The following CHRM5 variants were observed in gnomAD, a reference collection of about 807,000 sequenced individuals.
The protein encoded by CHRM5 is cholinergic receptor muscarinic 5, also known as muscarinic acetylcholine receptor M5.
In CHRM5, 18 loss-of-function variants were observed where a neutral mutation model predicts 39.0. The ratio of observed to expected loss-of-function variants is 0.46; its 90% CI spans 0.32 to 0.68. The LOEUF is 0.68. Among genes scored for constraint, CHRM5 ranks in the 30% least tolerant of loss-of-function variants. CHRM5 has a pLI of 0.04. For missense variants in CHRM5, 515 were observed against 651.1 expected (o/e 0.79, Z 2.28); for synonymous variants, 241 against 246.3 (o/e 0.98, Z 0.20).
At chr15:34,035,399 T>C (rs1899066239) in intron 1 of CHRM5, among the ~76,000 whole-genome samples, 1 of 152,122 alleles carries the variant, frequency 6.6e-6, no homozygotes, top group Admixed American at 6.5e-5. Context: ...TAATCAGGCA[T>C]GTGAAAGAAT....
At chr15:34,038,931 C>T (rs918371106) in intron 1 of CHRM5, 1 of 1,042,788 alleles carries the variant, frequency 9.6e-7, no homozygotes, top group Non-Finnish European at 1.2e-6. Flanking sequence ...GCCTCCGCCG[C>T]CGCCTCTGGC....
chr15:34,058,555 A>AAC (rs3027963), intron 2 of CHRM5, among the ~76,000 whole-genome samples: 34,206 of 143,048 alleles, frequency 0.24, 3,976 homozygotes, highest in Middle Eastern at 0.33. Flanking sequence ...CTTTAATTCT[A>AAC]ACACACACAC....
chr15:33,988,048 G>C (rs544772569), intron 1 of CHRM5, among the ~76,000 whole-genome samples: 1 of 152,338 alleles, frequency 6.6e-6, no homozygotes, highest in Non-Finnish European at 1.5e-5. Context: ...GCCTCACAGT[G>C]CAGTGCCCTG....
chr15:34,002,409 T>C (rs940013641), intron 1 of CHRM5, among the ~76,000 whole-genome samples: 5 of 148,362 alleles, frequency 3.4e-5, no homozygotes, highest in Non-Finnish European at 6.0e-5. Context: ...GTAGGGACCC[T>C]GCAGCCATCT....
intron 1 of CHRM5, among the ~76,000 whole-genome samples, chr15:34,044,245 A>G (rs1899598622): frequency 6.6e-6 from 1 of 152,092 alleles, no homozygotes; most frequent in African/African-American, 2.4e-5. Flanking sequence ...TCCACTCCTC[A>G]AGCCTTTTGT....
chr15:33,994,024 T>C (rs767056389), intron 1 of CHRM5, among the ~76,000 whole-genome samples: 5 of 152,208 alleles, frequency 3.3e-5, no homozygotes, highest in Non-Finnish European at 5.9e-5. Flanking sequence ...CTGTGAACAT[T>C]TGGGCACACA....
chr15:34,000,411 A>G (rs900860773), intron 1 of CHRM5, among the ~76,000 whole-genome samples: 2 of 152,212 alleles, frequency 1.3e-5, no homozygotes, highest in African/African-American at 4.8e-5. Context: ...ACTGGTCACA[A>G]TTTAAAAGTC....
intron 1 of CHRM5, among the ~76,000 whole-genome samples, chr15:34,001,019 A>ATT (rs562045179): frequency 0.17 from 23,153 of 136,634 alleles, 2,876 homozygotes; most frequent in African/African-American, 0.34. Flanking sequence ...TTGGACTAGA[A>ATT]TTTTTTTTTT....
At chr15:33,996,448 T>C (rs1234004424) in intron 1 of CHRM5, among the ~76,000 whole-genome samples, 4 of 152,186 alleles carry the variant, frequency 2.6e-5, no homozygotes, top group African/African-American at 9.6e-5. Context: ...TGACACCTCA[T>C]ACAGGCGGGT....
At chr15:34,007,326 A>G (rs1897400468) in intron 1 of CHRM5, among the ~76,000 whole-genome samples, 1 of 152,252 alleles carries the variant, frequency 6.6e-6, no homozygotes, top group Non-Finnish European at 1.5e-5. Flanking sequence ...CTTTCTAATA[A>G]TAAGAATTGT....
chr15:34,010,231 A>C (rs1021998790), intron 1 of CHRM5, among the ~76,000 whole-genome samples: 2 of 152,202 alleles, frequency 1.3e-5, no homozygotes, highest in African/African-American at 4.8e-5. Flanking sequence ...AATAATTTAC[A>C]TTAATTTATA....
intron 1 of CHRM5, among the ~76,000 whole-genome samples, chr15:34,044,680 C>T (rs1567486449): frequency 2.0e-5 from 3 of 152,224 alleles, no homozygotes; most frequent in East Asian, 1.9e-4. Context: ...TGGCAGGAGT[C>T]GACAGTGTAT....
chr15:34,057,213 A>G (rs1425688962), intron 2 of CHRM5, among the ~76,000 whole-genome samples: 2 of 151,118 alleles, frequency 1.3e-5, no homozygotes, highest in Admixed American at 6.6e-5. Context: ...GGCTCACTGC[A>G]GCAACCTCGG....
chr15:34,041,954 G>A (rs1055125164), intron 1 of CHRM5, among the ~76,000 whole-genome samples: 1 of 152,146 alleles, frequency 6.6e-6, no homozygotes, highest in African/African-American at 2.4e-5. Context: ...CATTCAAGGC[G>A]TATCTTGTTT....
intron 1 of CHRM5, among the ~76,000 whole-genome samples, chr15:33,978,239 C>T (rs938515233): frequency 2.6e-5 from 4 of 152,162 alleles, no homozygotes; most frequent in African/African-American, 9.7e-5. Context: ...ACTAATATTT[C>T]CTGAGCATCC....
At chr15:34,042,644 C>G (rs1351160051) in intron 1 of CHRM5, among the ~76,000 whole-genome samples, 3 of 151,808 alleles carry the variant, frequency 2.0e-5, no homozygotes, top group Admixed American at 6.6e-5. Context: ...CTCAGGTGAT[C>G]CATCCGCCTC....
chr15:34,031,275 A>C (rs1898799918), intron 1 of CHRM5, among the ~76,000 whole-genome samples: 1 of 142,140 alleles, frequency 7.0e-6, no homozygotes, highest in South Asian at 2.2e-4. Flanking sequence ...CCCGGGTTCA[A>C]GCGATTCTCC....
chr15:34,038,893 C>T, intron 1 of CHRM5: 1 of 1,134,658 alleles, frequency 8.8e-7, no homozygotes, highest in Non-Finnish European at 1.1e-6. Flanking sequence ...CGGCCACGGC[C>T]CCGGCGTCCG....
chr15:34,039,844 C>A (rs916926903), intron 1 of CHRM5, among the ~76,000 whole-genome samples: 1 of 152,268 alleles, frequency 6.6e-6, no homozygotes, highest in East Asian at 1.9e-4. Flanking sequence ...TTAAAAAAAA[C>A]TTGACTAAAG....
Sources: allele counts gnomAD v4.1 joint callset (sites outside exome capture counted in the v4.1 genomes callset), GRCh38; gene constraint gnomAD v4.1.1; transcripts MANE v1.5; gene names NCBI Gene and HGNC (gene_info 2026-07-23, HGNC 2026-07-21).